MYRF: variants seen among roughly 807,000 people sequenced by gnomAD.
The protein encoded by MYRF is myelin gene regulatory factor.
MYRF carries 16 observed loss-of-function variants against 126.3 expected under a neutral mutation model. The ratio of observed to expected loss-of-function variants is 0.13; its 90% CI spans 0.09 to 0.19. MYRF has a LOEUF of 0.19. MYRF is among the 10% of genes least tolerant of loss of function. MYRF has a pLI of 1.00. For synonymous variants in MYRF, 608 were observed against 635.3 expected, an observed-to-expected ratio of 0.96 and a Z score of 0.65; for missense variants, 1,104 against 1,547.0, an observed-to-expected ratio of 0.71 and a Z score of 4.80.
Position 61,781,644 on chromosome 11 carries a change from A to G in MYRF, c.2836A>G (p.Ile946Val), listed in dbSNP as rs2135877029. 6.2e-7 allele frequency: 1 copy of G among 1,613,812 alleles called. No homozygotes were observed. Among genetic ancestry groups the G allele is most frequent in the East Asian group, 2.2e-5 (1 of 44,876 alleles). ...AKSWGLSVNG[I>V]GHSKHHKSLE... ...GTCCTGGGGTCTTTCAGTCAATGGC[A>G]TTGGCCACTCCAAGCATCACAAGAG... is the stretch of plus-strand genomic sequence containing the variant. The change falls in exon 22 of 27, where the codon ATT becomes GTT. Residue 946 changes from isoleucine to valine, a missense_variant. Ile to Val is a conservative substitution (Grantham distance 29, BLOSUM62 3). Coordinates refer to ENST00000278836, the MANE Select transcript of MYRF (RefSeq NM_001127392.3).
At chr11:61,761,478 G>A (rs2065900241) in intron 1 of MYRF, among the ~76,000 whole-genome samples, 1 of 152,214 alleles carries the variant, frequency 6.6e-6, no homozygotes. Flanking sequence ...TGCCTGGGAA[G>A]GGGCAGTGTC....
chr11:61,765,511 C>A, intron 1 of MYRF, 114 bp from the exon 2 acceptor site: 2 of 760,508 alleles, frequency 2.6e-6, no homozygotes, highest in South Asian at 1.8e-5. Context: ...TGGGAAGGAG[C>A]AGGGGCATCT....
rs557997427 is a variant in MYRF, at chr11:61,755,482, G to A, written c.46+2692G>A. ...GTATAAGGGGGCTTTGGACTCCAGAGCCAGGGCAGGCACGGGACAGGGCAG... is the reference window on the plus strand; with the variant it reads ...GTATAAGGGGGCTTTGGACTCCAGAACCAGGGCAGGCACGGGACAGGGCAG... On this transcript the variant is annotated intron_variant, in intron 1 of 26. Transcript: ENST00000278836. 2.1e-5 allele frequency: 33 copies of A among 1,605,096 alleles called. No individual in the cohort carries two copies. In the Admixed American group the frequency reaches 4.6e-4, roughly 23 times the overall value.
rs893092772 is a variant in MYRF, at chr11:61,776,986, C to A, written c.1590+109C>A. ...GTCAGGAGTGGGCATGCTCATCCTG[C>A]TAGGCACTGGCTGTGTGGCCTTGGG... On this transcript the variant is annotated intron_variant, in intron 11 of 26. Coordinates refer to ENST00000278836, the MANE Select transcript of MYRF (RefSeq NM_001127392.3). This position sits in a 1 kb window ranked among gnomAD's most constrained non-coding sequence, Gnocchi z 4.3. 2.0e-6 allele frequency: 2 copies of A among 993,440 alleles called. No individual in the cohort carries two copies. Among genetic ancestry groups the A allele is most frequent in the Admixed American group, 2.5e-5 (1 of 40,476 alleles). 61.5% of individuals were successfully genotyped at this position (993,440 alleles called of 1,614,324 possible).
At chr11:61,755,046 C>G (rs147922167) in intron 1 of MYRF, among the ~76,000 whole-genome samples, 1 of 152,182 alleles carries the variant, frequency 6.6e-6, no homozygotes, top group Non-Finnish European at 1.5e-5. Flanking sequence ...GCTGGGGACA[C>G]CTGAGCTCTC....
chr11:61,763,647 T>G (rs1591087134), intron 1 of MYRF, among the ~76,000 whole-genome samples: 1 of 152,290 alleles, frequency 6.6e-6, no homozygotes, highest in East Asian at 1.9e-4. Flanking sequence ...GCAGATCACC[T>G]GAGGTCAGGA....
At chr11:61,771,386 G>C in intron 5 of MYRF, 114 bp from the exon 6 acceptor site, 3 of 1,414,804 alleles carry the variant, frequency 2.1e-6, no homozygotes, top group East Asian at 2.4e-5. Flanking sequence ...GGTGTCCTCT[G>C]GGCGGGGCAC....
chr11:61,781,371 T>C (rs765125015), intron 21 of MYRF, 42 bp downstream of exon 21: 11 of 1,604,360 alleles, frequency 6.9e-6, no homozygotes, highest in Non-Finnish European at 9.4e-6. Context: ...GGGGGCTACC[T>C]GCGTAGAGAG....
intron 24 of MYRF, 145 bp downstream of exon 24, chr11:61,784,070 C>G (rs959111705): frequency 1.0e-5 from 11 of 1,096,174 alleles, no homozygotes; most frequent in African/African-American, 1.5e-5. Context: ...TCATTGCCTA[C>G]TTCGTGGTTA....
chr11:61,787,629 A>G lies in MYRF; in HGVS notation c.*1486A>G, dbSNP rs1381679650. ...AAAGCACTTGTCCTCAGGATAGGGA[A>G]GAGCAGGGGGATGCAGGAATAGCAG... On this transcript the variant is annotated 3_prime_UTR_variant, in exon 27 of 27. Coordinates refer to ENST00000278836, the MANE Select transcript of MYRF (RefSeq NM_001127392.3). 6.5e-6 allele frequency: 1 copy of G among 152,750 alleles called. No individual in the cohort carries two copies. Among genetic ancestry groups the G allele is most frequent in the Admixed American group, 6.5e-5 (1 of 15,284 alleles). The allele number at this position is 152,750 out of a possible 1,614,324, so 9.5% of individuals were successfully genotyped here. A position where few individuals can be genotyped will look rare whatever the true frequency, so the allele number is the denominator to read the frequency against.
intron 8 of MYRF, among the ~76,000 whole-genome samples, chr11:61,774,379 C>T (rs540557717): frequency 2.2e-4 from 33 of 151,976 alleles, no homozygotes; most frequent in Non-Finnish European, 3.5e-4. Context: ...ATTAGCCAGG[C>T]GTGGTAGTAC....
At chr11:61,770,624 G>T in intron 5 of MYRF, 99 bp downstream of exon 5, 1 of 1,228,780 alleles carries the variant, frequency 8.1e-7, no homozygotes, top group Admixed American at 2.7e-5. Flanking sequence ...GTAGGGACCG[G>T]GATGCACCCA....
chr11:61,772,814 G>A (rs2066264858), intron 7 of MYRF, among the ~76,000 whole-genome samples: 1 of 152,200 alleles, frequency 6.6e-6, no homozygotes, highest in Non-Finnish European at 1.5e-5. Context: ...GGTGGGTGGA[G>A]CTCCAGGAGG....
At chr11:61,768,308 G>A (rs1374766280) in intron 3 of MYRF, among the ~76,000 whole-genome samples, 1 of 152,134 alleles carries the variant, frequency 6.6e-6, no homozygotes, top group African/African-American at 2.4e-5. Context: ...GGGACTGCAG[G>A]GTGTGAAAGA....
intron 3 of MYRF, among the ~76,000 whole-genome samples, chr11:61,769,052 C>T (rs1383575936): frequency 8.5e-5 from 13 of 152,148 alleles, no homozygotes; most frequent in Non-Finnish European, 1.2e-4. Flanking sequence ...GGATCCTGGG[C>T]GGTCCCCTAC....
At chr11:61,782,207 A>C in intron 22 of MYRF, 1 of 193,452 alleles carries the variant, frequency 5.2e-6, no homozygotes, top group African/African-American at 2.3e-5. Flanking sequence ...TATTTCCCAA[A>C]CCTTGGATCT....
chr11:61,755,713 T>A (rs973280164), intron 1 of MYRF: 7 of 675,050 alleles, frequency 1.0e-5, no homozygotes, highest in African/African-American at 1.8e-5. Context: ...AGGAGAGACA[T>A]GTTAGAGTAT....
At chr11:61,756,454 A>T (rs1464509157) in intron 1 of MYRF, among the ~76,000 whole-genome samples, 1 of 151,970 alleles carries the variant, frequency 6.6e-6, no homozygotes, top group East Asian at 1.9e-4. Context: ...TGGGGGTGGC[A>T]CTGTGGCCCG....
chr11:61,781,404 G>A, intron 21 of MYRF, 75 bp downstream of exon 21: 1 of 1,568,706 alleles, frequency 6.4e-7, no homozygotes, highest in East Asian at 2.3e-5. Flanking sequence ...ACTCATTGGT[G>A]GGAGGGTCTC....
Sources: allele counts gnomAD v4.1 joint callset (sites outside exome capture counted in the v4.1 genomes callset), GRCh38; gene constraint gnomAD v4.1.1; non-coding constraint Gnocchi (gnomAD v3.1); transcripts MANE v1.5; gene names NCBI Gene and HGNC (gene_info 2026-07-23, HGNC 2026-07-21).